Variants in NECAB3 observed in about 807,000 individuals in gnomAD.
The protein encoded by NECAB3 is N-terminal EF-hand calcium-binding protein 3.
In NECAB3, 38 loss-of-function variants were observed where a neutral mutation model predicts 57.2. The observed-to-expected ratio is 0.66, with a 90% CI of 0.51 to 0.87. NECAB3 has a LOEUF of 0.87. Among genes scored for constraint, NECAB3 ranks in the 40% least tolerant of loss-of-function variants. The pLI is 0.00. For missense variants in NECAB3, 474 were observed against 527.5 expected (o/e 0.90, Z 0.99); for synonymous variants, 223 against 222.6 (o/e 1.00, Z -0.02).
chr20:33,672,277 T>C, intron 2 of NECAB3, 121 bp downstream of exon 2: 1 of 1,197,444 alleles, frequency 8.4e-7, no homozygotes, highest in Non-Finnish European at 1.2e-6. Context: ...GATTCTCCTG[T>C]TTTGGGCCCC....
chr20:33,669,279 C>G, intron 5 of NECAB3, 96 bp downstream of exon 5: 1 of 1,315,380 alleles, frequency 7.6e-7, no homozygotes, highest in Non-Finnish European at 1.1e-6. Context: ...AAGCCCCTAG[C>G]TCTATAACCC....
intron 5 of NECAB3, chr20:33,662,522 G>C: frequency 6.5e-7 from 1 of 1,540,140 alleles, no homozygotes. Context: ...GGGGGGCAGA[G>C]AAAGCTGGAC....
chr20:33,658,335 G>C (rs1279931609), intron 10 of NECAB3, 142 bp downstream of exon 10: 1 of 865,502 alleles, frequency 1.2e-6, no homozygotes, highest in Non-Finnish European at 1.9e-6. Context: ...TTCCATTTTG[G>C]AAAGGACTCG....
In NECAB3 at chr20:33,659,780, G is replaced by A. The variant is rs770712424; in HGVS notation, c.644-48C>T. 29 of 1,536,608 alleles carry A rather than the reference G, an allele frequency of 1.9e-5. 1 individual carries two copies. In the Admixed American group the frequency reaches 2.7e-4, roughly 14 times the overall value. On this transcript the variant is annotated intron_variant, in intron 7 of 11. Transcript: ENST00000246190. ...GTCAGGCAGGGGCCTCTCAGGTCCC[G>A]CAGGTGCTCAGAATGAAGTGAGGGG...
At chr20:33,663,415 C>T (rs2017543566) in intron 5 of NECAB3, 1 of 1,110,262 alleles carries the variant, frequency 9.0e-7, no homozygotes. Context: ...ATGACAGGAC[C>T]CGGGTGGACG....
intron 5 of NECAB3, chr20:33,667,718 G>T: frequency 6.2e-7 from 1 of 1,612,062 alleles, no homozygotes; most frequent in Non-Finnish European, 8.5e-7. Context: ...GCCCTGCCCC[G>T]CAAGGCCATC....
In NECAB3 at chr20:33,658,052, C is replaced by T. The variant is rs2122448209; in HGVS notation, c.1071-19G>A. 6.5e-7 allele frequency: 1 copy of T among 1,548,316 alleles called. No homozygotes were observed. ...CTGGTGCCTGCAGAGACCCAGGCTA[C>T]AGTGACCTCGCTCTCCCCACTCCCG... On this transcript the variant is annotated intron_variant, in intron 10 of 11. Coordinates refer to ENST00000246190, the MANE Select transcript of NECAB3 (RefSeq NM_031232.4).
chr20:33,672,926 A>C (rs993675613), intron 1 of NECAB3, among the ~76,000 whole-genome samples: 1 of 151,954 alleles, frequency 6.6e-6, no homozygotes, highest in Admixed American at 6.6e-5. Flanking sequence ...GGCAGTGGCT[A>C]CTCTGTCTCT....
intron 1 of NECAB3, among the ~76,000 whole-genome samples, chr20:33,673,502 C>T (rs1260334520): frequency 6.6e-6 from 1 of 152,122 alleles, no homozygotes; most frequent in African/African-American, 2.4e-5. Context: ...CTATTGTATC[C>T]CTGCCTCCAT....
chr20:33,669,006 G>T, intron 5 of NECAB3: 1 of 277,652 alleles, frequency 3.6e-6, no homozygotes, highest in Non-Finnish European at 6.9e-6. Context: ...GCCTAGCCCA[G>T]CCCTGAATGA....
chr20:33,670,028 G>A (rs1422178647), intron 3 of NECAB3, among the ~76,000 whole-genome samples: 2 of 152,236 alleles, frequency 1.3e-5, no homozygotes, highest in Non-Finnish European at 2.9e-5. Flanking sequence ...GAAGCCAGGT[G>A]CAAGGCAATG....
intron 5 of NECAB3, chr20:33,667,906 G>T: frequency 6.3e-7 from 1 of 1,577,634 alleles, no homozygotes; most frequent in Non-Finnish European, 8.6e-7. Flanking sequence ...GGGCCAGGCT[G>T]AGCAGGGGCT....
Position 33,674,257 on chromosome 20 carries a change from G to A in NECAB3, c.96C>T (p.Asp32=), listed in dbSNP as rs1051012948. 2 of 1,233,918 alleles carry A rather than the reference G, an allele frequency of 1.6e-6. No homozygotes were observed. Among genetic ancestry groups the A allele is most frequent in the African/African-American group, 3.1e-5 (2 of 64,322 alleles). The allele number at this position is 1,233,918 out of a possible 1,614,324, so 76.4% of individuals were successfully genotyped here. ...QTPRHPQLAP[D]PGPAGHTLFQ... ...AGAGCGTGTGTCCGGCGGGCCCCGG[G>A]TCGGGCGCGAGCTGGGGGTGCCGCG... The change falls in exon 1 of 12, where the codon GAC becomes GAT. Residue 32 remains aspartate, a synonymous_variant. Transcript: ENST00000246190.
intron 3 of NECAB3, chr20:33,670,165 G>C (rs2122517247): frequency 5.5e-6 from 1 of 180,840 alleles, no homozygotes; most frequent in South Asian, 1.5e-4. Flanking sequence ...GGGAGGGGAA[G>C]CACTGCAGAT....
At chr20:33,671,195 G>A (rs1327037188) in intron 2 of NECAB3, among the ~76,000 whole-genome samples, 1 of 152,212 alleles carries the variant, frequency 6.6e-6, no homozygotes, top group Non-Finnish European at 1.5e-5. Context: ...TCTGGACCCA[G>A]GACCTTCACA....
At chr20:33,665,463 T>G (rs2017618504) in intron 5 of NECAB3, 1 of 113,000 alleles carries the variant, frequency 8.8e-6, no homozygotes, top group Admixed American at 8.6e-5. Context: ...AGAGCGAGAC[T>G]CCATCTCAAA....
chr20:33,658,810 C>T lies in NECAB3; in HGVS notation c.904G>A (p.Val302Ile), dbSNP rs1286647246. ...TGCAGGCCTTCCTCTGCCACCTGGA[C>T]CTGCCTCTGGGCCATGAGGATGTGC... Reference protein sequence around the residue: ...DLHILMAQRQVQVAEEGLQDF... With the variant: ...DLHILMAQRQIQVAEEGLQDF... Residue 302 changes from valine to isoleucine, a missense_variant, in exon 9 of 12, where the codon GTC (valine) becomes ATC (isoleucine). Physicochemically the swap from Val to Ile is conservative, Grantham distance 29. Coordinates refer to ENST00000246190, the MANE Select transcript of NECAB3 (RefSeq NM_031232.4). The T allele has an allele frequency of 5.0e-6, 8 of 1,613,278 alleles. No individual in the cohort carries two copies. The highest frequency in any genetic ancestry group is 6.8e-6 in the Non-Finnish European group (8 of 1,179,950).
chr20:33,673,078 G>A (rs2017864872), intron 1 of NECAB3, among the ~76,000 whole-genome samples: 1 of 152,192 alleles, frequency 6.6e-6, no homozygotes, highest in Admixed American at 6.5e-5. Flanking sequence ...GGGGAGTGGG[G>A]GTGGCAGAAG....
intron 10 of NECAB3, among the ~76,000 whole-genome samples, 186 bp downstream of exon 10, chr20:33,658,291 T>A (rs1343560615): frequency 6.6e-6 from 1 of 152,162 alleles, no homozygotes; most frequent in Non-Finnish European, 1.5e-5. Flanking sequence ...CCCAGTCACC[T>A]CCTTTAGCCC....
Sources: allele counts gnomAD v4.1 joint callset (sites outside exome capture counted in the v4.1 genomes callset), GRCh38; gene constraint gnomAD v4.1.1; transcripts MANE v1.5; gene names NCBI Gene and HGNC (gene_info 2026-07-23, HGNC 2026-07-21).